The following FHL5 variants were observed in gnomAD, a reference collection of about 807,000 sequenced individuals.
The protein encoded by FHL5 is four and a half LIM domains 5.
Under a neutral mutation model 32.0 loss-of-function variants are expected in FHL5, and 33 were observed. The observed-to-expected ratio is 1.03, with a 90% CI of 0.78 to 1.38. The LOEUF (loss-of-function observed/expected upper bound fraction) is 1.38, where lower values mean the gene tolerates loss of function less well. Ranked by LOEUF, FHL5 falls within the 40% of genes most tolerant of loss-of-function variation. The pLI is 0.00. For synonymous variants in FHL5, 114 were observed against 113.6 expected (o/e 1.00, Z -0.02); for missense variants, 336 against 343.9 (o/e 0.98, Z 0.18).
At position 96,576,149 on chromosome 6, in the gene FHL5, AAAG is replaced by A. The variant is rs1770580269; in HGVS notation, c.-13+12798_-13+12800del. On this transcript the variant is annotated intron_variant, in intron 1 of 5. Transcript: ENST00000450218. ...ATTCAACCTTCAAGGCACAGCTCTA[AAAG>A]AAGCTTTACCTGAAGTTTTCCAGAA... Among the ~76,000 whole-genome samples the A allele has an allele frequency of 2.6e-5, 4 of 152,276 alleles. No individual in the cohort carries two copies. In the South Asian group the frequency reaches 8.3e-4, roughly 32 times the overall value.
intron 1 of FHL5, among the ~76,000 whole-genome samples, chr6:96,588,133 G>T (rs920925473): frequency 5.9e-5 from 9 of 152,294 alleles, no homozygotes; most frequent in African/African-American, 1.9e-4. Flanking sequence ...ACAATGTAAT[G>T]AAAAATTGTT....
At chr6:96,591,981 A>G (rs2971607) in intron 1 of FHL5, among the ~76,000 whole-genome samples, 62,163 of 151,872 alleles carry the variant, frequency 0.41, 13,421 homozygotes, top group African/African-American at 0.56. Context: ...ACTTCACAAG[A>G]TAATAGAATA....
At chr6:96,601,429 G>A (rs1334247626) in intron 1 of FHL5, among the ~76,000 whole-genome samples, 1 of 152,128 alleles carries the variant, frequency 6.6e-6, no homozygotes, top group Non-Finnish European at 1.5e-5. Context: ...GACTGGGGTG[G>A]GAGAAGGACC....
chr6:96,606,359 T>A (rs1771280776), intron 4 of FHL5, among the ~76,000 whole-genome samples: 1 of 152,110 alleles, frequency 6.6e-6, no homozygotes, highest in South Asian at 2.1e-4. Context: ...TTGTTGTTGT[T>A]TTATTTTTTT....
chr6:96,580,865 A>C (rs1770682708), intron 1 of FHL5, among the ~76,000 whole-genome samples: 1 of 152,190 alleles, frequency 6.6e-6, no homozygotes, highest in Non-Finnish European at 1.5e-5. Context: ...CTATTAGATA[A>C]AGAATATATA....
intron 1 of FHL5, among the ~76,000 whole-genome samples, chr6:96,596,584 A>G (rs888961194): frequency 2.0e-5 from 3 of 151,170 alleles, no homozygotes; most frequent in African/African-American, 7.3e-5. Flanking sequence ...ATCACATAAC[A>G]TGCATTTATC....
chr6:96,610,499 C>T (rs557597595), intron 4 of FHL5, 73 bp from the exon 5 acceptor site: 3 of 1,110,522 alleles, frequency 2.7e-6, no homozygotes, highest in Non-Finnish European at 4.0e-6. Context: ...ATACTAGGAT[C>T]TCAAAAGAAT....
At chr6:96,605,851 A>C (rs1435542279) in intron 3 of FHL5, 51 bp from the exon 4 acceptor site, 7 of 1,511,258 alleles carry the variant, frequency 4.6e-6, no homozygotes, top group Non-Finnish European at 6.3e-6. Context: ...TTGCTTAAAA[A>C]ATAAAATTAT....
Position 96,618,154 on chromosome 6 carries a change from G to C in FHL5, c.*2382G>C, listed in dbSNP as rs1376208603. ...TAGGTCTTTGCGTAACACACACAAA[G>C]ATAAATGTAAAAATTATATAGTTGA... is the stretch of plus-strand genomic sequence containing the variant. On this transcript the variant is annotated 3_prime_UTR_variant, in exon 6 of 6. Transcript: ENST00000450218. Among the ~76,000 whole-genome samples, 1 of 152,094 alleles carries C rather than the reference G, an allele frequency of 6.6e-6. No individual in the cohort carries two copies. Among genetic ancestry groups the C allele is most frequent in the Non-Finnish European group, 1.5e-5 (1 of 67,998 alleles).
At chr6:96,576,550 T>C (rs1224860149) in intron 1 of FHL5, among the ~76,000 whole-genome samples, 2 of 152,242 alleles carry the variant, frequency 1.3e-5, no homozygotes, top group Non-Finnish European at 2.9e-5. Context: ...CCAAGCACCA[T>C]GGATGGCCCA....
chr6:96,568,660 G>C (rs1770412063), intron 1 of FHL5, among the ~76,000 whole-genome samples: 1 of 151,790 alleles, frequency 6.6e-6, no homozygotes, highest in South Asian at 2.1e-4. Context: ...GGTCTGTTCA[G>C]GTGTTCTCTT....
At chr6:96,564,326 TTTC>T (rs1394591817) in intron 1 of FHL5, among the ~76,000 whole-genome samples, 1 of 152,208 alleles carries the variant, frequency 6.6e-6, no homozygotes, top group Non-Finnish European at 1.5e-5. Flanking sequence ...ATACAAGATA[TTTC>T]TTAACATATG....
In FHL5 at chr6:96,617,403, A is replaced by C. The variant is rs1349403900; in HGVS notation, c.*1631A>C. The stretch of plus-strand genomic sequence containing the variant: ...AAAATTGTTATGGAAATAATTTTTG[A>C]AATAGTTTAAAATGCAAGAATATTC... On this transcript the variant is annotated 3_prime_UTR_variant, in exon 6 of 6. Transcript: ENST00000450218. Among the ~76,000 whole-genome samples the C allele has an allele frequency of 6.6e-6, 1 of 152,356 alleles. No homozygotes were observed. Among genetic ancestry groups the C allele is most frequent in the East Asian group, 1.9e-4 (1 of 5,188 alleles).
At chr6:96,584,967 G>A (rs1306823717) in intron 1 of FHL5, among the ~76,000 whole-genome samples, 1 of 152,096 alleles carries the variant, frequency 6.6e-6, no homozygotes, top group Non-Finnish European at 1.5e-5. Context: ...ACTATGCACT[G>A]CAGATGTTTT....
intron 5 of FHL5, among the ~76,000 whole-genome samples, chr6:96,614,883 A>G (rs1410049834): frequency 2.6e-5 from 4 of 152,230 alleles, no homozygotes; most frequent in Non-Finnish European, 5.9e-5. Flanking sequence ...GTTAAAGTGG[A>G]GGAGGCTGAC....
intron 5 of FHL5, among the ~76,000 whole-genome samples, chr6:96,612,763 T>C (rs892776358): frequency 6.6e-6 from 1 of 152,306 alleles, no homozygotes; most frequent in African/African-American, 2.4e-5. Flanking sequence ...AACTTTGTGA[T>C]TGAGACACCA....
chr6:96,573,327 GC>G (rs1183711160), intron 1 of FHL5, among the ~76,000 whole-genome samples: 2 of 151,606 alleles, frequency 1.3e-5, no homozygotes, highest in East Asian at 1.9e-4. Context: ...TTTTCTTTAA[GC>G]TTTTTTGTCA....
At chr6:96,592,331 C>T (rs1393172899) in intron 1 of FHL5, among the ~76,000 whole-genome samples, 2 of 152,190 alleles carry the variant, frequency 1.3e-5, no homozygotes, top group African/African-American at 2.4e-5. Flanking sequence ...GATACTTCTC[C>T]CATTTGCTTT....
chr6:96,591,927 G>A (rs984876932), intron 1 of FHL5, among the ~76,000 whole-genome samples: 3 of 152,116 alleles, frequency 2.0e-5, no homozygotes, highest in Non-Finnish European at 4.4e-5. Context: ...GATTTTCAAT[G>A]GGGAGGGAGT....
Sources: allele counts gnomAD v4.1 joint callset (sites outside exome capture counted in the v4.1 genomes callset), GRCh38; gene constraint gnomAD v4.1.1; transcripts MANE v1.5; gene names NCBI Gene and HGNC (gene_info 2026-07-23, HGNC 2026-07-21).